The following CPNE4 variants were observed in gnomAD, a reference collection of about 807,000 sequenced individuals.
CPNE4 encodes copine 4, also known as copine-4.
CPNE4 carries 25 observed loss-of-function variants against 67.9 expected under a neutral mutation model. That is an observed-to-expected ratio of 0.37 (90% CI 0.27 to 0.51). CPNE4 has a LOEUF of 0.51. CPNE4 is among the 20% of genes least tolerant of loss of function. CPNE4 has a pLI of 0.93. For missense variants in CPNE4, 464 were observed against 690.8 expected (o/e 0.67, Z 3.68); for synonymous variants, 242 against 244.9 (o/e 0.99, Z 0.11).
intron 2 of CPNE4, among the ~76,000 whole-genome samples, chr3:131,846,363 G>A (rs1389024822): frequency 6.6e-6 from 1 of 152,038 alleles, no homozygotes; most frequent in Admixed American, 6.6e-5. Context: ...CACTCTTGAG[G>A]GAATGAATTA....
intron 1 of CPNE4, among the ~76,000 whole-genome samples, chr3:132,023,878 G>C (rs890414660): frequency 6.6e-6 from 1 of 152,106 alleles, no homozygotes; most frequent in African/African-American, 2.4e-5. Context: ...ATGTTTAGGA[G>C]GAGATGAGAA....
chr3:131,765,686 C>T (rs2082994444), intron 2 of CPNE4, among the ~76,000 whole-genome samples: 1 of 152,048 alleles, frequency 6.6e-6, no homozygotes, highest in African/African-American at 2.4e-5. Flanking sequence ...TAGTTAACTT[C>T]TCTCAGATTA....
At position 131,974,337 on chromosome 3, in the gene CPNE4, CATGT is replaced by C. The variant is rs147972127; in HGVS notation, c.-2+60226_-2+60229del. On this transcript the variant is annotated intron_variant, in intron 1 of 15. Transcript: ENST00000429747. ...ATGCCTGCATCTATACACACATGTG[CATGT>C]ATGTATATACGCATCTACAGTGAAT... Among the ~76,000 whole-genome samples the C allele has an allele frequency of 3.8e-3, 586 of 152,270 alleles. 6 individuals are homozygous for C. Among genetic ancestry groups the C allele is most frequent in the African/African-American group, 0.013 (549 of 41,536 alleles).
At chr3:131,656,795 G>A (rs1043294705) in intron 7 of CPNE4, among the ~76,000 whole-genome samples, 3 of 152,172 alleles carry the variant, frequency 2.0e-5, no homozygotes, top group Admixed American at 2.0e-4. Context: ...AAGAGTAACT[G>A]GAGGAATGTA....
At chr3:131,650,793 T>G (rs1212194679) in intron 7 of CPNE4, among the ~76,000 whole-genome samples, 1 of 149,172 alleles carries the variant, frequency 6.7e-6, no homozygotes, top group Non-Finnish European at 1.5e-5. Context: ...TGCATAAAAT[T>G]TAAAACATAC....
At chr3:131,854,272 C>T (rs1164560652) in intron 2 of CPNE4, among the ~76,000 whole-genome samples, 2 of 151,492 alleles carry the variant, frequency 1.3e-5, no homozygotes, top group East Asian at 3.9e-4. Context: ...AGTGGCCAAA[C>T]AAAAAAGAGT....
At chr3:131,545,578 T>C (rs1234366095) in intron 14 of CPNE4, among the ~76,000 whole-genome samples, 5 of 152,238 alleles carry the variant, frequency 3.3e-5, no homozygotes, top group African/African-American at 1.2e-4. Flanking sequence ...AATGTATTAT[T>C]TATGTTTAAC....
intron 5 of CPNE4, among the ~76,000 whole-genome samples, chr3:131,693,372 A>T (rs1346621409): frequency 2.0e-5 from 3 of 152,200 alleles, no homozygotes; most frequent in Non-Finnish European, 4.4e-5. Context: ...TTGTTTAAAA[A>T]TAATAAAATA....
At chr3:131,695,918 T>A (rs1477201572) in intron 5 of CPNE4, among the ~76,000 whole-genome samples, 1 of 152,228 alleles carries the variant, frequency 6.6e-6, no homozygotes, top group Non-Finnish European at 1.5e-5. Context: ...ATCATTTGTT[T>A]TTTAGATGTA....
At chr3:131,537,283 GT>G (rs756997599) in intron 15 of CPNE4, among the ~76,000 whole-genome samples, 2,294 of 123,792 alleles carry the variant, frequency 0.019, 43 homozygotes, top group African/African-American at 0.065. Context: ...TTTCTTTTCT[GT>G]TTTTTTTTTT....
At chr3:132,012,358 G>A (rs79908667) in intron 1 of CPNE4, among the ~76,000 whole-genome samples, 3 of 151,942 alleles carry the variant, frequency 2.0e-5, no homozygotes, top group Non-Finnish European at 4.4e-5. Context: ...TAGTAGAGAC[G>A]GTGTTTCACT....
intron 2 of CPNE4, among the ~76,000 whole-genome samples, chr3:131,767,179 A>AT (rs2083041176): frequency 3.9e-5 from 6 of 151,946 alleles, no homozygotes; most frequent in Admixed American, 3.3e-4. Context: ...TTTGACTTTG[A>AT]TTTTTTTGCC....
At chr3:131,644,186 C>T (rs530757429) in intron 7 of CPNE4, among the ~76,000 whole-genome samples, 20 of 151,722 alleles carry the variant, frequency 1.3e-4, no homozygotes, top group Non-Finnish European at 2.8e-4. Context: ...CTCGCTCTGT[C>T]ACCCAGGCTG....
intron 2 of CPNE4, among the ~76,000 whole-genome samples, chr3:131,877,986 T>A (rs2087523628): frequency 6.6e-6 from 1 of 152,170 alleles, no homozygotes; most frequent in Non-Finnish European, 1.5e-5. Context: ...CAATATAAAA[T>A]GTTGGGGAAG....
chr3:131,687,823 C>A (rs2080931545), intron 5 of CPNE4, among the ~76,000 whole-genome samples: 1 of 152,076 alleles, frequency 6.6e-6, no homozygotes, highest in South Asian at 2.1e-4. Flanking sequence ...TAAATATAAC[C>A]TAGGGCTAGG....
At chr3:131,850,346 T>C (rs1485712401) in intron 2 of CPNE4, among the ~76,000 whole-genome samples, 1 of 152,050 alleles carries the variant, frequency 6.6e-6, no homozygotes, top group African/African-American at 2.4e-5. Flanking sequence ...CCTCGGAGTG[T>C]ATAAGAAAGC....
chr3:131,836,397 A>C (rs1560430122), intron 2 of CPNE4, among the ~76,000 whole-genome samples: 2 of 152,234 alleles, frequency 1.3e-5, no homozygotes, highest in Admixed American at 6.5e-5. Context: ...CCTTTGATAA[A>C]ATTTAACACC....
chr3:131,708,891 A>G lies in CPNE4; in HGVS notation c.361-8911T>C, dbSNP rs180954367. ...GGCAGTTTATAGCAAGGACCTTAAA[A>G]TGAATGCTCAAATAATACACTGTTA... On this transcript the variant is annotated intron_variant, in intron 3 of 15. Transcript: ENST00000429747. 1.9e-4 allele frequency among the ~76,000 whole-genome samples: 28 copies of G among 148,840 alleles called. 1 individual carries two copies. Among genetic ancestry groups the G allele is most frequent in the African/African-American group, 6.6e-4 (27 of 40,688 alleles).
At chr3:131,908,748 T>C (rs76855614) in intron 1 of CPNE4, among the ~76,000 whole-genome samples, 1 of 152,284 alleles carries the variant, frequency 6.6e-6, no homozygotes, top group African/African-American at 2.4e-5. Flanking sequence ...TTGTGAGGTA[T>C]AATGCAAAAA....
Sources: gnomAD v4.1 joint callset for allele counts (sites outside exome capture counted in the v4.1 genomes callset) on GRCh38, gnomAD v4.1.1 for gene constraint, MANE v1.5 for transcripts, NCBI Gene and HGNC (gene_info 2026-07-23, HGNC 2026-07-21) for gene names.